DPYD: variants seen among roughly 807,000 people sequenced by gnomAD.
The protein encoded by DPYD is dihydropyrimidine dehydrogenase.
In DPYD, 109 loss-of-function variants were observed where a neutral mutation model predicts 116.2. The ratio of observed to expected loss-of-function variants is 0.94; its 90% CI spans 0.80 to 1.10. DPYD has a LOEUF of 1.10. Among genes scored for constraint, DPYD ranks in the 50% least tolerant of loss-of-function variants. The pLI is 0.00. For missense variants in DPYD, 1,302 were observed against 1,254.5 expected (o/e 1.04, Z -0.57); for synonymous variants, 440 against 432.0 (o/e 1.02, Z -0.23).
chr1:97,552,744 C>A (rs1323083110), intron 11 of DPYD, among the ~76,000 whole-genome samples: 3 of 151,924 alleles, frequency 2.0e-5, no homozygotes, highest in African/African-American at 7.2e-5. Context: ...ATACTCTATT[C>A]TAAAATAGAA....
chr1:97,087,549 G>A (rs1649603649), intron 21 of DPYD, among the ~76,000 whole-genome samples: 1 of 152,126 alleles, frequency 6.6e-6, no homozygotes. Flanking sequence ...TAGTGAGAGC[G>A]GCTTGGGTGA....
At chr1:97,630,649 T>C (rs1159763597) in intron 8 of DPYD, among the ~76,000 whole-genome samples, 1 of 152,126 alleles carries the variant, frequency 6.6e-6, no homozygotes, top group Admixed American at 6.6e-5. Context: ...AACTTGTAAA[T>C]AATTCATTTC....
At chr1:97,442,859 G>A (rs1386986428) in intron 14 of DPYD, among the ~76,000 whole-genome samples, 1 of 152,104 alleles carries the variant, frequency 6.6e-6, no homozygotes, top group Non-Finnish European at 1.5e-5. Context: ...TGTTACCTTT[G>A]ACTTGCCAAA....
rs904018100 is a variant in DPYD, at chr1:97,400,798, C to T, written c.1906-18337G>A. ...TTTCTGTGGGATGGGTGGTGATACC[C>T]CTTTATCATTTTGTATTGTGTCTAT... On this transcript the variant is annotated intron_variant, in intron 14 of 22. Coordinates refer to ENST00000370192, the MANE Select transcript of DPYD (RefSeq NM_000110.4). Among the ~76,000 whole-genome samples the T allele has an allele frequency of 2.0e-5, 3 of 152,024 alleles. No individual in the cohort carries two copies. The South Asian group carries it at 6.2e-4, about 32-fold the overall frequency.
chr1:97,109,762 TG>T (rs1373628249), intron 20 of DPYD, among the ~76,000 whole-genome samples: 1 of 152,132 alleles, frequency 6.6e-6, no homozygotes, highest in Non-Finnish European at 1.5e-5. Flanking sequence ...TGGAATGAAA[TG>T]ATCATCATTT....
At chr1:97,376,954 C>T (rs867727131) in intron 15 of DPYD, among the ~76,000 whole-genome samples, 3 of 148,458 alleles carry the variant, frequency 2.0e-5, no homozygotes, top group Non-Finnish European at 4.4e-5. Flanking sequence ...TTACTCCATC[C>T]TAGCTGTGTG....
At chr1:97,435,104 C>G (rs1185864359) in intron 14 of DPYD, among the ~76,000 whole-genome samples, 4 of 151,914 alleles carry the variant, frequency 2.6e-5, no homozygotes, top group Non-Finnish European at 4.4e-5. Flanking sequence ...GGCTCATTGC[C>G]AAAGTATATC....
intron 3 of DPYD, among the ~76,000 whole-genome samples, chr1:97,756,485 G>C (rs1172357304): frequency 6.6e-6 from 1 of 152,020 alleles, no homozygotes; most frequent in East Asian, 1.9e-4. Context: ...CATATGATGA[G>C]ACAACACTAA....
chr1:97,718,437 C>T (rs965514521), intron 5 of DPYD, among the ~76,000 whole-genome samples: 2 of 151,892 alleles, frequency 1.3e-5, no homozygotes, highest in Non-Finnish European at 2.9e-5. Context: ...GTATATTTCA[C>T]AGATATCAGA....
chr1:97,698,974 T>A (rs1038240041), intron 6 of DPYD, among the ~76,000 whole-genome samples: 1 of 152,054 alleles, frequency 6.6e-6, no homozygotes, highest in Non-Finnish European at 1.5e-5. Context: ...ACACAATGAA[T>A]AGTCCAATAT....
At chr1:97,297,124 A>G (rs570037556) in intron 18 of DPYD, among the ~76,000 whole-genome samples, 159 of 152,306 alleles carry the variant, frequency 1.0e-3, no homozygotes, top group African/African-American at 3.7e-3. Flanking sequence ...GAAATAATGT[A>G]CTGTATATAA....
In DPYD at chr1:97,077,904, T is replaced by C. The variant is rs929744608; in HGVS notation, c.*1072A>G. 3 of 152,166 alleles carry C rather than the reference T, an allele frequency of 2.0e-5. No homozygotes were observed. Among genetic ancestry groups the C allele is most frequent in the African/African-American group, 7.2e-5 (3 of 41,452 alleles). The allele number at this position is 152,166 out of a possible 1,614,324, so 9.4% of individuals were successfully genotyped here. ...TTGTTACTTTCTGATTTACTACTTA[T>C]AGATTCATATTGAAGATGCCATGAA... On this transcript the variant is annotated 3_prime_UTR_variant, in exon 23 of 23. Coordinates refer to ENST00000370192, the MANE Select transcript of DPYD (RefSeq NM_000110.4).
chr1:97,825,649 C>T (rs1325731542), intron 3 of DPYD, among the ~76,000 whole-genome samples: 4 of 149,342 alleles, frequency 2.7e-5, no homozygotes, highest in Non-Finnish European at 4.4e-5. Flanking sequence ...GGAGGGATAG[C>T]ATTAGGAGAT....
intron 20 of DPYD, among the ~76,000 whole-genome samples, chr1:97,163,749 G>A (rs900062350): frequency 6.6e-6 from 1 of 152,068 alleles, no homozygotes; most frequent in African/African-American, 2.4e-5. Flanking sequence ...CATGAGTTTG[G>A]AGCCCTCATG....
At chr1:97,082,712 A>G (rs574986686) in intron 21 of DPYD, among the ~76,000 whole-genome samples, 1 of 152,236 alleles carries the variant, frequency 6.6e-6, no homozygotes, top group South Asian at 2.1e-4. Flanking sequence ...ACTGCATTCA[A>G]TAGGTTTTTG....
chr1:97,646,463 A>T (rs1162392252), intron 8 of DPYD, among the ~76,000 whole-genome samples: 5 of 148,400 alleles, frequency 3.4e-5, no homozygotes, highest in Middle Eastern at 3.5e-3. Context: ...TATTTTGTCA[A>T]CTCACTTTCT....
intron 8 of DPYD, among the ~76,000 whole-genome samples, chr1:97,624,904 A>T (rs1656840393): frequency 6.6e-6 from 1 of 152,052 alleles, no homozygotes. Context: ...GTCGAATCTG[A>T]AACAATTAAA....
chr1:97,401,246 T>C (rs998952167), intron 14 of DPYD, among the ~76,000 whole-genome samples: 1 of 152,130 alleles, frequency 6.6e-6, no homozygotes, highest in African/African-American at 2.4e-5. Context: ...TTACAAATAT[T>C]TTCTCCCAGT....
chr1:97,748,501 C>T (rs891557990), intron 3 of DPYD, among the ~76,000 whole-genome samples: 3 of 152,120 alleles, frequency 2.0e-5, no homozygotes, highest in South Asian at 4.1e-4. Flanking sequence ...CCCAGCTACT[C>T]GGGAGGCTGA....
Sources: allele counts gnomAD v4.1 joint callset (sites outside exome capture counted in the v4.1 genomes callset), GRCh38; gene constraint gnomAD v4.1.1; transcripts MANE v1.5; gene names NCBI Gene and HGNC (gene_info 2026-07-23, HGNC 2026-07-21).